ASPM: variants seen among roughly 807,000 people sequenced by gnomAD.
The protein encoded by ASPM is assembly factor for spindle microtubules, also known as abnormal spindle-like microcephaly-associated protein.
In ASPM, 256 loss-of-function variants were observed where a neutral mutation model predicts 366.4. The observed-to-expected ratio is 0.70, with a 90% CI of 0.63 to 0.77. The LOEUF is 0.77. Ranked by LOEUF, ASPM falls within the 30% of genes least tolerant of loss-of-function variation. The pLI is 0.00. For synonymous variants in ASPM, 1,414 were observed against 1,342.9 expected, an observed-to-expected ratio of 1.05 and a Z score of -1.16; for missense variants, 4,146 against 4,090.4, an observed-to-expected ratio of 1.01 and a Z score of -0.37.
chr1:197,093,322 T>C, intron 20 of ASPM, 61 bp from the exon 21 acceptor site: 1 of 1,358,992 alleles, frequency 7.4e-7, no homozygotes. Context: ...TCCAACCCAC[T>C]AGAAGTTCTT....
chr1:197,141,953 G>A (rs1007290101), intron 3 of ASPM, among the ~76,000 whole-genome samples: 3 of 152,148 alleles, frequency 2.0e-5, no homozygotes, highest in Non-Finnish European at 2.9e-5. Flanking sequence ...TAGACTAGAG[G>A]CTCAACCAGC....
In ASPM at chr1:197,139,814, A is replaced by G. The variant is rs1468021080; in HGVS notation, c.1979T>C (p.Ile660Thr). The G allele has an allele frequency of 6.2e-7, 1 of 1,612,556 alleles. No individual in the cohort carries two copies. The highest frequency in any genetic ancestry group is 8.5e-7 in the Non-Finnish European group (1 of 1,178,742). ...GGTCAAACTGGACTGTGCCACAGCG[A>G]TAATGGGTTTTGTCCTTTTGTTTGT... ...SKTNKRTKPIIAVAQSSLTFI... is the reference protein window; with the variant it reads ...SKTNKRTKPITAVAQSSLTFI... The change falls in exon 4 of 28, where the codon ATC (isoleucine) becomes ACC (threonine). Residue 660 changes from isoleucine (I) to threonine (T), a missense_variant. Physicochemically the swap from Ile to Thr is moderately conservative, Grantham distance 89 (BLOSUM62 -1). Around this residue, in one of 3 missense-constraint regions of ASPM, gnomAD observed 3,624 missense variants for 3,591.7 expected, o/e 1.01. Transcript: ENST00000367409.
At chr1:197,129,481 T>C (rs534337082) in intron 8 of ASPM, among the ~76,000 whole-genome samples, 164 bp from the exon 9 acceptor site, 2 of 152,256 alleles carry the variant, frequency 1.3e-5, no homozygotes, top group Admixed American at 1.3e-4. Flanking sequence ...TGTGTATAAA[T>C]CCATTTAATC....
chr1:197,088,175 T>C, intron 26 of ASPM, 81 bp downstream of exon 26: 1 of 1,468,158 alleles, frequency 6.8e-7, no homozygotes, highest in Non-Finnish European at 9.4e-7. Flanking sequence ...GAGTGATAAT[T>C]ACTAAAGGAA....
chr1:197,110,666 G>A (rs1332968875), intron 17 of ASPM, among the ~76,000 whole-genome samples: 2 of 151,930 alleles, frequency 1.3e-5, no homozygotes, highest in African/African-American at 4.8e-5. Context: ...TTCACCTACT[G>A]CTACAGTGCG....
chr1:197,091,771 A>C, intron 22 of ASPM, 136 bp downstream of exon 22: 16 of 877,200 alleles, frequency 1.8e-5, no homozygotes, highest in Non-Finnish European at 2.8e-5. Flanking sequence ...CCCTCAAATC[A>C]TTGTAACAGC....
chr1:197,134,681 C>G (rs1658364926), intron 5 of ASPM, among the ~76,000 whole-genome samples: 1 of 152,160 alleles, frequency 6.6e-6, no homozygotes, highest in Non-Finnish European at 1.5e-5. Context: ...CTACCTGGTC[C>G]CTTTCCCAAG....
chr1:197,144,751 A>G (rs1233944903), intron 1 of ASPM, among the ~76,000 whole-genome samples: 1 of 152,172 alleles, frequency 6.6e-6, no homozygotes, highest in East Asian at 1.9e-4. Context: ...GGACTTTAAC[A>G]TCTACACCCC....
At position 197,142,226 on chromosome 1, in the gene ASPM, T is replaced by C. The variant is rs1043188761; in HGVS notation, c.1921+105A>G. On this transcript the variant is annotated intron_variant, in intron 3 of 27. Coordinates refer to ENST00000367409, the MANE Select transcript of ASPM (RefSeq NM_018136.5). ...TTGCTAAGGAAATGTACCCAGCAAATAAGTAAAAACTATAATACAAGCTTA... is the reference window on the plus strand; with the variant it reads ...TTGCTAAGGAAATGTACCCAGCAAACAAGTAAAAACTATAATACAAGCTTA... The C allele has an allele frequency of 1.1e-4, 140 of 1,241,898 alleles. 1 individual carries two copies. The South Asian group carries it at 1.8e-3, about 16-fold the overall frequency. 76.9% of individuals were successfully genotyped at this position (1,241,898 alleles called of 1,614,324 possible). A position where few individuals can be genotyped will look rare whatever the true frequency, so the allele number is the denominator to read the frequency against.
chr1:197,129,380 T>TATG, intron 8 of ASPM, 63 bp from the exon 9 acceptor site: 1 of 1,525,902 alleles, frequency 6.6e-7, no homozygotes, highest in South Asian at 1.2e-5. Flanking sequence ...CATCTTAAAA[T>TATG]ATGATAATAA....
chr1:197,104,753 A>G lies in ASPM; in HGVS notation c.4498T>C (p.Cys1500Arg). The change falls in exon 18 of 28, where the codon TGC (cysteine) becomes CGC (arginine). Residue 1500 changes from cysteine to arginine, a missense_variant. By Grantham distance (180) the Cys-to-Arg change is radical. Coordinates refer to ENST00000367409, the MANE Select transcript of ASPM (RefSeq NM_018136.5). ...TTATATAACTTTTGGGCTTGAAAGC[A>G]CCGAAATCTTTTCTGAATGATAACA... is the stretch of plus-strand genomic sequence containing the variant. ...CVVIIQKRFR[C>R]FQAQKLYKRR... 1.2e-6 allele frequency: 2 copies of G among 1,600,916 alleles called. No homozygotes were observed. Among genetic ancestry groups the G allele is most frequent in the Non-Finnish European group, 1.7e-6 (2 of 1,175,236 alleles).
chr1:197,130,041 G>C lies in ASPM; in HGVS notation c.2503C>G (p.Leu835Val). 1 of 1,613,802 alleles carries C rather than the reference G, an allele frequency of 6.2e-7. No homozygotes were observed. The highest frequency in any genetic ancestry group is 2.2e-5 in the East Asian group (1 of 44,842). Residue 835 changes from leucine to valine, a missense_variant, in exon 8 of 28, where the codon CTC becomes GTC. By Grantham distance (32) the Leu-to-Val change is conservative (BLOSUM62 1). This residue lies in a region of ASPM where 3,624 missense variants were observed against 3,591.7 expected (regional missense o/e 1.01). Transcript: ENST00000367409. The part of the protein sequence containing the change: ...RIGLETTYGE[L>V]ISLEDNSDVT... ...TCACTGTTATCTTCCAAAGATATGA[G>C]TTCTCCATAAGTTGTCTGAAAATAA...
chr1:197,124,466 G>T, intron 12 of ASPM, 135 bp from the exon 13 acceptor site: 1 of 732,798 alleles, frequency 1.4e-6, no homozygotes, highest in Non-Finnish European at 2.2e-6. Context: ...AAAAATCAAA[G>T]AAAATAAAGT....
intron 5 of ASPM, 107 bp from the exon 6 acceptor site, chr1:197,133,702 C>T: frequency 7.5e-7 from 1 of 1,330,984 alleles, no homozygotes; most frequent in Non-Finnish European, 1.0e-6. Context: ...TAATCTATTC[C>T]TCACCCACTC....
Position 197,128,592 on chromosome 1 carries a change from C to T in ASPM, c.2834G>A (p.Gly945Asp). 6.2e-7 allele frequency: 1 copy of T among 1,613,634 alleles called. No homozygotes were observed. The highest frequency in any genetic ancestry group is 8.5e-7 in the Non-Finnish European group (1 of 1,179,668). ...ATGGTTAACAGGTAATCCCAATAAGCCAAGGTGACGGGAAAGGTCACCTTC... is the reference window on the plus strand; with the variant it reads ...ATGGTTAACAGGTAATCCCAATAAGTCAAGGTGACGGGAAAGGTCACCTTC... ...SGEGDLSRHLGLLGLPVNHVQ... is the reference protein window; with the variant it reads ...SGEGDLSRHLDLLGLPVNHVQ... Residue 945 changes from glycine (G) to aspartate (D), a missense_variant, in exon 10 of 28, where the codon GGC becomes GAC. This residue lies in a region of ASPM where 3,624 missense variants were observed against 3,591.7 expected (regional missense o/e 1.01). Transcript: ENST00000367409.
At chr1:197,119,042 G>T (rs1382128208) in intron 16 of ASPM, among the ~76,000 whole-genome samples, 1 of 152,110 alleles carries the variant, frequency 6.6e-6, no homozygotes, top group Non-Finnish European at 1.5e-5. Context: ...TCAGTGGTTG[G>T]TATCTGTGCA....
chr1:197,086,976 C>T lies in ASPM; in HGVS notation c.10162-4G>A. The T allele has an allele frequency of 6.2e-7, 1 of 1,604,784 alleles. No homozygotes were observed. Among genetic ancestry groups the T allele is most frequent in the Non-Finnish European group, 8.5e-7 (1 of 1,177,684 alleles). ...CTTTGGACCTACTTCGTACATCCTACAAAATAAAATGCACAGTTACTAAAA... is the reference window on the plus strand; with the variant it reads ...CTTTGGACCTACTTCGTACATCCTATAAAATAAAATGCACAGTTACTAAAA... On this transcript the variant is annotated splice_polypyrimidine_tract_variant and splice_region_variant and intron_variant, in intron 26 of 27. Coordinates refer to ENST00000367409, the MANE Select transcript of ASPM (RefSeq NM_018136.5).
chr1:197,143,330 T>G lies in ASPM; in HGVS notation c.922A>C (p.Ile308Leu). 6.2e-7 allele frequency: 1 copy of G among 1,614,010 alleles called. No homozygotes were observed. The highest frequency in any genetic ancestry group is 1.1e-5 in the South Asian group (1 of 91,084). ...AGAAAATGTATTTGGCTTTGTGTAA[T>G]GTTCAAAGTTGAAGAACAGTTGGGG... ...LTPNCSSTLNITQSQIHFLSP... is the reference protein window; with the variant it reads ...LTPNCSSTLNLTQSQIHFLSP... Residue 308 changes from isoleucine to leucine, a missense_variant, in exon 3 of 28, where the codon ATT becomes CTT. Around this residue, in one of 3 missense-constraint regions of ASPM, gnomAD observed 512 missense variants for 471.7 expected, o/e 1.09. Coordinates refer to ENST00000367409, the MANE Select transcript of ASPM (RefSeq NM_018136.5).
chr1:197,091,045 T>A lies in ASPM; in HGVS notation c.9445-4A>T. ...GTAATCTTGCTCGAAACCATCTCTG[T>A]TTAAAACATAGAATTTTGTTTTTCA... is the stretch of plus-strand genomic sequence containing the variant. On this transcript the variant is annotated splice_polypyrimidine_tract_variant and splice_region_variant and intron_variant, in intron 22 of 27. Transcript: ENST00000367409. The A allele has an allele frequency of 6.2e-7, 1 of 1,604,564 alleles. No homozygotes were observed. Among genetic ancestry groups the A allele is most frequent in the Non-Finnish European group, 8.5e-7 (1 of 1,173,104 alleles).
Sources: allele counts gnomAD v4.1 joint callset (sites outside exome capture counted in the v4.1 genomes callset), GRCh38; gene constraint gnomAD v4.1.1; regional missense constraint gnomAD v4.1.1; transcripts MANE v1.5; gene names NCBI Gene and HGNC (gene_info 2026-07-23, HGNC 2026-07-21).